Variants in C2CD2 observed in about 807,000 individuals in gnomAD.
C2CD2 encodes the protein C2 domain-containing protein 2.
Under a neutral mutation model 74.3 loss-of-function variants are expected in C2CD2, and 43 were observed. The ratio of observed to expected loss-of-function variants is 0.58; its 90% CI spans 0.45 to 0.75. The LOEUF (loss-of-function observed/expected upper bound fraction) is 0.75, where lower values mean the gene tolerates loss of function less well. Ranked by LOEUF, C2CD2 falls within the 30% of genes least tolerant of loss-of-function variation. The probability of loss-of-function intolerance (pLI) is 0.00; values close to 1 mark genes in which losing one functional copy is unlikely to be tolerated. For missense variants in C2CD2, 801 were observed against 916.3 expected (o/e 0.87, Z 1.63); for synonymous variants, 422 against 390.7 (o/e 1.08, Z -0.94).
Position 41,907,089 on chromosome 21 carries a change from G to T in C2CD2, c.1221C>A (p.Asp407Glu), listed in dbSNP as rs2064971495. ...PPVPAAKIEK[D>E]RTVMPCGTVV... The stretch of plus-strand genomic sequence containing the variant: ...CAGTCCCACAGGGCATCACCGTGCG[G>T]TCCTTTTCTATTTTTGCAGCAGGAA... The change falls in exon 10 of 14, where the codon GAC becomes GAA. Residue 407 changes from aspartate (D) to glutamate (E), a missense_variant. Coordinates refer to ENST00000380486, the MANE Select transcript of C2CD2 (RefSeq NM_015500.2). 1.9e-6 allele frequency: 3 copies of T among 1,613,802 alleles called. No individual in the cohort carries two copies. Among genetic ancestry groups the T allele is most frequent in the Non-Finnish European group, 2.5e-6 (3 of 1,179,692 alleles).
intron 2 of C2CD2, among the ~76,000 whole-genome samples, chr21:41,930,181 C>T (rs1319309624): frequency 6.7e-6 from 1 of 149,712 alleles, no homozygotes; most frequent in East Asian, 1.9e-4. Flanking sequence ...ATCGACTGTT[C>T]TCTCTCCAGG....
At chr21:41,912,572 C>G (rs2065040086) in intron 6 of C2CD2, 132 bp from the exon 7 acceptor site, 1 of 387,464 alleles carries the variant, frequency 2.6e-6, no homozygotes, top group East Asian at 4.2e-5. Flanking sequence ...CTCACTGCAA[C>G]CTCCGCCTCC....
chr21:41,895,904 T>C lies in C2CD2; in HGVS notation c.1870+3149A>G, dbSNP rs2064816490. On this transcript the variant is annotated intron_variant, in intron 13 of 13. Transcript: ENST00000380486. The surrounding 1 kb of genome is among the most constrained non-coding windows in gnomAD (Gnocchi z 5.0). ...TTCAACTGGAACCACAGATGGTCCG[T>C]TGATAGAAGCGACTACTTTTTAGCT... is the stretch of plus-strand genomic sequence containing the variant. 6.6e-6 allele frequency among the ~76,000 whole-genome samples: 1 copy of C among 152,202 alleles called. No homozygotes were observed. The highest frequency in any genetic ancestry group is 1.5e-5 in the Non-Finnish European group (1 of 68,030).
chr21:41,901,338 G>A, intron 12 of C2CD2: 1 of 488,288 alleles, frequency 2.0e-6, no homozygotes, highest in South Asian at 2.1e-5. Context: ...CTTACATCAT[G>A]TTCCTCTCTT....
Position 41,922,114 on chromosome 21 carries a change from C to T in C2CD2, c.379-29G>A, listed in dbSNP as rs896496202. The stretch of plus-strand genomic sequence containing the variant: ...GAGGAGGCACAGGTAAGGGAGAAAA[C>T]TGTATCCAAAACAAAGGACAGCGCG... On this transcript the variant is annotated intron_variant, in intron 2 of 13. Coordinates refer to ENST00000380486, the MANE Select transcript of C2CD2 (RefSeq NM_015500.2). 7.3e-6 allele frequency: 10 copies of T among 1,371,992 alleles called. 1 individual carries two copies. The highest frequency in any genetic ancestry group is 1.0e-5 in the Non-Finnish European group (10 of 960,774). 85.0% of individuals were successfully genotyped at this position (1,371,992 alleles called of 1,614,324 possible). A position where few individuals can be genotyped will look rare whatever the true frequency, so the allele number is the denominator to read the frequency against.
chr21:41,888,761 A>G lies in C2CD2; in HGVS notation c.*363T>C. On this transcript the variant is annotated 3_prime_UTR_variant, in exon 14 of 14. Coordinates refer to ENST00000380486, the MANE Select transcript of C2CD2 (RefSeq NM_015500.2). ...CCAAAACAACACTTGTTAGTGTAGA[A>G]TAGGTAAACTAAGTCCCTCAAACCT... 1 of 274,362 alleles carries G rather than the reference A, an allele frequency of 3.6e-6. No homozygotes were observed. The highest frequency in any genetic ancestry group is 5.0e-5 in the South Asian group (1 of 20,036). 17.0% of individuals were successfully genotyped at this position (274,362 alleles called of 1,614,324 possible).
At chr21:41,901,389 T>C (rs1368399317) in intron 12 of C2CD2, 1 of 583,560 alleles carries the variant, frequency 1.7e-6, no homozygotes, top group Non-Finnish European at 3.1e-6. Flanking sequence ...CCTCTCAACG[T>C]GTAAAGCGTC....
Position 41,899,423 on chromosome 21 carries a change from G to T in C2CD2, c.1561-61C>A, listed in dbSNP as rs2064865967. The stretch of plus-strand genomic sequence containing the variant: ...ATGAAAGGAAGGGAGGGTTTGAAAA[G>T]AACTGAAAAGCACTCTCCAAAACAT... On this transcript the variant is annotated intron_variant, in intron 12 of 13. Coordinates refer to ENST00000380486, the MANE Select transcript of C2CD2 (RefSeq NM_015500.2). The surrounding 1 kb of genome is among the most constrained non-coding windows in gnomAD (Gnocchi z 4.4). 1 of 1,463,150 alleles carries T rather than the reference G, an allele frequency of 6.8e-7. No homozygotes were observed. The allele number at this position is 1,463,150 out of a possible 1,614,324, so 90.6% of individuals were successfully genotyped here. A position where few individuals can be genotyped will look rare whatever the true frequency, so the allele number is the denominator to read the frequency against.
intron 2 of C2CD2, among the ~76,000 whole-genome samples, chr21:41,934,234 C>T (rs1476427880): frequency 6.6e-6 from 1 of 152,038 alleles, no homozygotes; most frequent in East Asian, 1.9e-4. Flanking sequence ...TCAAGACCAA[C>T]CTGGGCTACA....
In C2CD2 at chr21:41,945,232, C is replaced by A. The variant is rs569933648; in HGVS notation, c.280-2987G>T. 3.9e-5 allele frequency among the ~76,000 whole-genome samples: 6 copies of A among 152,244 alleles called. No individual in the cohort carries two copies. The highest frequency in any genetic ancestry group is 1.2e-4 in the African/African-American group (5 of 41,548). On this transcript the variant is annotated intron_variant, in intron 1 of 13. Coordinates refer to ENST00000380486, the MANE Select transcript of C2CD2 (RefSeq NM_015500.2). The surrounding 1 kb of genome is among the most constrained non-coding windows in gnomAD (Gnocchi z 4.2). ...GGACTAGAACCCAAGGTACAGGATA[C>A]AATCACGGTTTTTCAGATAAACACA...
At chr21:41,942,088 C>G in intron 2 of C2CD2, 59 bp downstream of exon 2, 1 of 1,539,760 alleles carries the variant, frequency 6.5e-7, no homozygotes, top group Non-Finnish European at 8.8e-7. Context: ...ACAAAGCAAA[C>G]TCCCCGTCCC....
intron 8 of C2CD2, 101 bp downstream of exon 8, chr21:41,909,358 C>G: frequency 1.3e-6 from 1 of 781,360 alleles, no homozygotes; most frequent in Admixed American, 1.9e-5. Flanking sequence ...GAGGGGTCAG[C>G]TTCCTCTGCT....
At chr21:41,918,765 C>T (rs1343490959) in intron 4 of C2CD2, 91 bp downstream of exon 4, 4 of 984,702 alleles carry the variant, frequency 4.1e-6, no homozygotes, top group Non-Finnish European at 6.4e-6. Context: ...GCCAGCAACA[C>T]CAGCCATGCA....
At chr21:41,900,778 T>C (rs2064885605) in intron 12 of C2CD2, among the ~76,000 whole-genome samples, 2 of 150,952 alleles carry the variant, frequency 1.3e-5, no homozygotes, top group African/African-American at 4.9e-5. Flanking sequence ...CAACTCTCCC[T>C]CCACCTGTTC....
Position 41,897,946 on chromosome 21 carries a change from C to T in C2CD2, c.1870+1107G>A, listed in dbSNP as rs76269681. Reference sequence around the variant, plus strand: ...CTCTATTCACTAGATGCCGACTGCACCCCAGACTCCCAGCTGTGACAACTA... The same window carrying T: ...CTCTATTCACTAGATGCCGACTGCATCCCAGACTCCCAGCTGTGACAACTA... On this transcript the variant is annotated intron_variant, in intron 13 of 13. Transcript: ENST00000380486. Among the ~76,000 whole-genome samples the T allele has an allele frequency of 5.6e-3, 851 of 152,320 alleles. 11 individuals are homozygous for T. The highest frequency in any genetic ancestry group is 0.019 in the African/African-American group (773 of 41,588).
At chr21:41,952,757 T>C (rs1460135118) in intron 1 of C2CD2, among the ~76,000 whole-genome samples, 1 of 152,232 alleles carries the variant, frequency 6.6e-6, no homozygotes, top group African/African-American at 2.4e-5. Flanking sequence ...GCAGGCTGCT[T>C]GCCCTCTCCG....
intron 7 of C2CD2, among the ~76,000 whole-genome samples, chr21:41,911,630 T>C (rs1252966503): frequency 6.6e-6 from 1 of 151,928 alleles, no homozygotes; most frequent in African/African-American, 2.4e-5. Flanking sequence ...TCCTGACCTC[T>C]ACCCACCTCA....
At chr21:41,927,725 T>G (rs950036658) in intron 2 of C2CD2, among the ~76,000 whole-genome samples, 1 of 152,176 alleles carries the variant, frequency 6.6e-6, no homozygotes, top group Non-Finnish European at 1.5e-5. Flanking sequence ...CACCTTGGCC[T>G]CCCAATTTGC....
chr21:41,912,227 G>T, intron 7 of C2CD2, 105 bp downstream of exon 7: 1 of 635,984 alleles, frequency 1.6e-6, no homozygotes, highest in East Asian at 3.0e-5. Flanking sequence ...AACTGTTTTG[G>T]TTTAGTGTTT....
Sources: allele counts gnomAD v4.1 joint callset (sites outside exome capture counted in the v4.1 genomes callset), GRCh38; gene constraint gnomAD v4.1.1; non-coding constraint Gnocchi (gnomAD v3.1); transcripts MANE v1.5; gene names NCBI Gene and HGNC (gene_info 2026-07-23, HGNC 2026-07-21).